MTX2: variants seen among roughly 807,000 people sequenced by gnomAD.
The protein encoded by MTX2 is metaxin 2, also known as metaxin-2.
MTX2 carries 35 observed loss-of-function variants against 42.3 expected under a neutral mutation model. The observed-to-expected ratio is 0.83, with a 90% CI of 0.63 to 1.10. MTX2 has a LOEUF of 1.10. Ranked by LOEUF, MTX2 falls within the 50% of genes least tolerant of loss-of-function variation. The probability of loss-of-function intolerance (pLI) is 0.00; values close to 1 mark genes in which losing one functional copy is unlikely to be tolerated. For synonymous variants in MTX2, 119 were observed against 100.9 expected, an observed-to-expected ratio of 1.18 and a Z score of -1.08; for missense variants, 307 against 304.1, an observed-to-expected ratio of 1.01 and a Z score of -0.07.
chr2:176,296,790 T>C, intron 1 of MTX2, 70 bp from the exon 2 acceptor site: 2 of 1,481,096 alleles, frequency 1.4e-6, no homozygotes, highest in Non-Finnish European at 1.9e-6. Flanking sequence ...ATGTACATGC[T>C]TATTAATTTG....
At chr2:176,301,353 A>T (rs540574893) in intron 3 of MTX2, among the ~76,000 whole-genome samples, 44 of 152,208 alleles carry the variant, frequency 2.9e-4, no homozygotes, top group African/African-American at 1.0e-3. Flanking sequence ...ATAAACAGAA[A>T]ACAACAACGA....
At chr2:176,292,467 G>C (rs1200908685) in intron 1 of MTX2, among the ~76,000 whole-genome samples, 1 of 152,170 alleles carries the variant, frequency 6.6e-6, no homozygotes, top group Non-Finnish European at 1.5e-5. Flanking sequence ...AGCAAGGGGT[G>C]ATTACTGACT....
At chr2:176,327,441 A>G (rs1486960816) in intron 5 of MTX2, among the ~76,000 whole-genome samples, 2 of 150,992 alleles carry the variant, frequency 1.3e-5, no homozygotes, top group Admixed American at 6.6e-5. Context: ...TTATTTTGCA[A>G]CATACCTTTT....
Position 176,321,343 on chromosome 2 carries a change from GTT to G in MTX2, c.136-2048_136-2047del, listed in dbSNP as rs1223984208. On this transcript the variant is annotated intron_variant, in intron 3 of 9. Coordinates refer to ENST00000249442, the MANE Select transcript of MTX2 (RefSeq NM_006554.5). ...CACTGGTTATAGGTTTTAAAGGACC[GTT>G]AGTTTCCACTTAAATAGACACAGAA... Among the ~76,000 whole-genome samples the G allele has an allele frequency of 4.2e-3, 644 of 152,218 alleles. 2 individuals carry two copies. The highest frequency in any genetic ancestry group is 0.016 in the South Asian group (75 of 4,816).
At chr2:176,294,878 A>G (rs1173135840) in intron 1 of MTX2, among the ~76,000 whole-genome samples, 1 of 152,210 alleles carries the variant, frequency 6.6e-6, no homozygotes, top group Non-Finnish European at 1.5e-5. Context: ...CACCAACCTA[A>G]TACTTAATTG....
At chr2:176,299,987 AT>A (rs1558932421) in intron 3 of MTX2, among the ~76,000 whole-genome samples, 2 of 151,322 alleles carry the variant, frequency 1.3e-5, no homozygotes, top group African/African-American at 2.4e-5. Flanking sequence ...TTTAAAAATA[AT>A]TTTTTTTTCC....
At chr2:176,296,745 C>A in intron 1 of MTX2, 115 bp from the exon 2 acceptor site, 2 of 1,044,202 alleles carry the variant, frequency 1.9e-6, no homozygotes, top group Non-Finnish European at 3.0e-6. Flanking sequence ...ATGTATAAGT[C>A]AACCTTAGCA....
chr2:176,310,039 G>A (rs536127166), intron 3 of MTX2, among the ~76,000 whole-genome samples: 20 of 152,234 alleles, frequency 1.3e-4, no homozygotes, highest in African/African-American at 4.6e-4. Flanking sequence ...GCCGTGGCTG[G>A]TACTGGTTGT....
chr2:176,275,218 GA>G (rs1312300097), intron 1 of MTX2, among the ~76,000 whole-genome samples: 2 of 151,984 alleles, frequency 1.3e-5, no homozygotes, highest in Non-Finnish European at 2.9e-5. Context: ...TGTTTCTCTA[GA>G]TGATGATGTG....
intron 9 of MTX2, among the ~76,000 whole-genome samples, chr2:176,336,886 A>C (rs1037974248): frequency 1.1e-4 from 17 of 152,182 alleles, no homozygotes; most frequent in Non-Finnish European, 2.2e-4. Context: ...AAGTATCCAC[A>C]GGACATTTGT....
intron 3 of MTX2, among the ~76,000 whole-genome samples, chr2:176,314,640 T>C (rs566908922): frequency 1.3e-5 from 2 of 152,280 alleles, no homozygotes; most frequent in African/African-American, 4.8e-5. Context: ...TTATTCTGTT[T>C]ACCTGCTTTT....
chr2:176,330,943 T>C lies in MTX2; in HGVS notation c.620+283T>C, dbSNP rs1348096811. Among the ~76,000 whole-genome samples the C allele has an allele frequency of 2.0e-5, 3 of 150,968 alleles. No homozygotes were observed. The Admixed American group carries it at 2.0e-4, about 10-fold the overall frequency. On this transcript the variant is annotated intron_variant, in intron 9 of 9. Transcript: ENST00000249442. ...ATGAGGTAGTTCAAGGTGCTATACA[T>C]GGAACTACAAAATCTTAACAAAATT...
At chr2:176,286,945 C>T (rs547864103) in intron 1 of MTX2, among the ~76,000 whole-genome samples, 7 of 152,234 alleles carry the variant, frequency 4.6e-5, no homozygotes, top group African/African-American at 9.6e-5. Context: ...AGTTATTTGC[C>T]GTAGTTCAGT....
At chr2:176,334,522 A>G (rs957495740) in intron 9 of MTX2, among the ~76,000 whole-genome samples, 1 of 151,668 alleles carries the variant, frequency 6.6e-6, no homozygotes, top group African/African-American at 2.4e-5. Context: ...TCCTGTGATG[A>G]TAAGATTATG....
intron 1 of MTX2, among the ~76,000 whole-genome samples, chr2:176,292,666 T>C (rs1693355032): frequency 1.3e-5 from 2 of 152,234 alleles, no homozygotes; most frequent in African/African-American, 4.8e-5. Flanking sequence ...GTGATTGATT[T>C]GTAGATCCAT....
Position 176,299,088 on chromosome 2 carries a change from C to T in MTX2, c.135+1193C>T, listed in dbSNP as rs750502529. On this transcript the variant is annotated intron_variant, in intron 3 of 9. Transcript: ENST00000249442. ...GAATAGACAGTGGTTTCCAACTGGG[C>T]AGCTCTTTAGTACTCCCCCTACCAC... Among the ~76,000 whole-genome samples, 150 of 152,150 alleles carry T rather than the reference C, an allele frequency of 9.9e-4. 3 individuals are homozygous for T. Among genetic ancestry groups the T allele is most frequent in the East Asian group, 1.3e-3 (7 of 5,188 alleles).
At chr2:176,315,545 T>C (rs1264663467) in intron 3 of MTX2, among the ~76,000 whole-genome samples, 3 of 152,154 alleles carry the variant, frequency 2.0e-5, no homozygotes, top group Non-Finnish European at 4.4e-5. Context: ...CAGTCTAATC[T>C]CTGTGTAGTT....
chr2:176,327,994 A>G (rs1440614777), intron 5 of MTX2, among the ~76,000 whole-genome samples: 1 of 151,146 alleles, frequency 6.6e-6, no homozygotes, highest in Non-Finnish European at 1.5e-5. Flanking sequence ...ATTTCTAAAT[A>G]AGGTTAATCT....
At position 176,269,620 on chromosome 2, in the gene MTX2, C is replaced by G. The variant is rs758520551; in HGVS notation, c.-10C>G. On this transcript the variant is annotated 5_prime_UTR_variant, in exon 1 of 10. Transcript: ENST00000249442. Reference sequence around the variant, plus strand: ...GGGCAGGCACCCGGGCGCCGGGCCTCCCAGCCGACATGTCTCTAGTGGCGG... The same window carrying G: ...GGGCAGGCACCCGGGCGCCGGGCCTGCCAGCCGACATGTCTCTAGTGGCGG... 5.1e-5 allele frequency: 81 copies of G among 1,588,308 alleles called. No homozygotes were observed. Among genetic ancestry groups the G allele is most frequent in the Non-Finnish European group, 5.3e-5 (62 of 1,170,750 alleles).
Sources: gnomAD v4.1 joint callset for allele counts (sites outside exome capture counted in the v4.1 genomes callset) on GRCh38, gnomAD v4.1.1 for gene constraint, MANE v1.5 for transcripts, NCBI Gene and HGNC (gene_info 2026-07-23, HGNC 2026-07-21) for gene names.